GPC6: variants seen among roughly 807,000 people sequenced by gnomAD.
GPC6 encodes glypican-6.
A neutral mutation model predicts 55.2 loss-of-function variants in GPC6; 14 were observed. The ratio of observed to expected loss-of-function variants is 0.25; its 90% CI spans 0.17 to 0.40. The LOEUF is 0.40. GPC6 is among the 10% of genes least tolerant of loss of function. The probability of loss-of-function intolerance (pLI) is 1.00; values close to 1 mark genes in which losing one functional copy is unlikely to be tolerated. For synonymous variants in GPC6, 278 were observed against 259.6 expected (o/e 1.07, Z -0.68); for missense variants, 641 against 708.5 (o/e 0.90, Z 1.08).
At chr13:93,739,722 C>T (rs1884135438) in intron 2 of GPC6, among the ~76,000 whole-genome samples, 1 of 152,184 alleles carries the variant, frequency 6.6e-6, no homozygotes, top group African/African-American at 2.4e-5. Flanking sequence ...AACCACCATG[C>T]CCAGCCTTCA....
chr13:94,248,539 C>T (rs937282694), intron 4 of GPC6, among the ~76,000 whole-genome samples: 5 of 151,980 alleles, frequency 3.3e-5, no homozygotes, highest in African/African-American at 1.2e-4. Context: ...CCATAAATAT[C>T]ACCCAAGAAC....
intron 7 of GPC6, among the ~76,000 whole-genome samples, chr13:94,386,646 A>T (rs1880426096): frequency 6.6e-6 from 1 of 152,214 alleles, no homozygotes; most frequent in East Asian, 1.9e-4. Context: ...TCCATCACGT[A>T]TTAATAGATA....
chr13:93,449,539 G>C (rs898354834), intron 1 of GPC6, among the ~76,000 whole-genome samples: 1 of 152,094 alleles, frequency 6.6e-6, no homozygotes, highest in Non-Finnish European at 1.5e-5. Flanking sequence ...ATTAAAAAAG[G>C]GACTGTAGGC....
At chr13:93,975,685 T>C (rs1003116958) in intron 3 of GPC6, among the ~76,000 whole-genome samples, 2 of 152,180 alleles carry the variant, frequency 1.3e-5, no homozygotes, top group African/African-American at 4.8e-5. Flanking sequence ...TCCTGGTGTA[T>C]ATGTTTCATT....
chr13:93,522,852 C>G (rs529993138), intron 1 of GPC6, among the ~76,000 whole-genome samples: 21 of 151,912 alleles, frequency 1.4e-4, no homozygotes, highest in Admixed American at 6.6e-4. Context: ...GTGCTGGTGG[C>G]TCCTATCTGA....
At chr13:93,867,888 G>A (rs1022267490) in intron 3 of GPC6, among the ~76,000 whole-genome samples, 1 of 151,686 alleles carries the variant, frequency 6.6e-6, no homozygotes, top group Admixed American at 6.6e-5. Flanking sequence ...CTTGTTGTGG[G>A]ACCCAGGTCC....
rs79896502 is a variant in GPC6, at chr13:93,650,761, A to T, written c.319+105340A>T. 8.7e-3 allele frequency among the ~76,000 whole-genome samples: 1,319 copies of T among 152,334 alleles called. 31 individuals carry two copies. Among genetic ancestry groups the T allele is most frequent in the African/African-American group, 0.03 (1,249 of 41,580 alleles). ...TCAGTTAGCGTTAATAGGTATCTCAAGTATTTTAAGTTCAGTCCAAATAAT... is the reference window on the plus strand; with the variant it reads ...TCAGTTAGCGTTAATAGGTATCTCATGTATTTTAAGTTCAGTCCAAATAAT... On this transcript the variant is annotated intron_variant, in intron 2 of 8. Coordinates refer to ENST00000377047, the MANE Select transcript of GPC6 (RefSeq NM_005708.5).
chr13:93,254,747 C>T (rs979814279), intron 1 of GPC6, among the ~76,000 whole-genome samples: 1 of 151,818 alleles, frequency 6.6e-6, no homozygotes, highest in Non-Finnish European at 1.5e-5. Flanking sequence ...CAGATGACAA[C>T]AAGCAGAAAA....
chr13:94,252,364 G>A (rs1891377628), intron 4 of GPC6, among the ~76,000 whole-genome samples: 2 of 152,096 alleles, frequency 1.3e-5, no homozygotes, highest in South Asian at 4.1e-4. Context: ...ATGCATAAAA[G>A]CCCAACTTCT....
intron 3 of GPC6, among the ~76,000 whole-genome samples, chr13:94,012,518 C>T (rs1028878794): frequency 1.3e-5 from 2 of 152,092 alleles, no homozygotes; most frequent in Non-Finnish European, 2.9e-5. Context: ...ATTAATCGAT[C>T]GATTGATCAA....
chr13:93,392,833 G>A (rs531321050), intron 1 of GPC6, among the ~76,000 whole-genome samples: 97 of 152,154 alleles, frequency 6.4e-4, no homozygotes, highest in African/African-American at 1.8e-3. Context: ...GGAAGACACC[G>A]GTCAGGTTTC....
chr13:94,251,318 CG>C (rs1275315049), intron 4 of GPC6, among the ~76,000 whole-genome samples: 1 of 150,332 alleles, frequency 6.7e-6, no homozygotes, highest in Non-Finnish European at 1.5e-5. Context: ...GGGGGCAAAG[CG>C]GGGGAGAGCA....
chr13:93,555,850 C>T (rs1170204209), intron 2 of GPC6, among the ~76,000 whole-genome samples: 1 of 152,132 alleles, frequency 6.6e-6, no homozygotes, highest in Non-Finnish European at 1.5e-5. Flanking sequence ...CAGAAAGGAT[C>T]TCCTGTTCTG....
At position 93,472,619 on chromosome 13, in the gene GPC6, C is replaced by G. The variant is rs149801526; in HGVS notation, c.161-72644C>G. ...AACTGCAGGGCCCCAAAGAGGGAGT[C>G]ACAGGCCTGGTCTGGCATGTGGAGC... On this transcript the variant is annotated intron_variant, in intron 1 of 8. Coordinates refer to ENST00000377047, the MANE Select transcript of GPC6 (RefSeq NM_005708.5). Among the ~76,000 whole-genome samples the G allele has an allele frequency of 5.9e-3, 896 of 152,290 alleles. 7 individuals are homozygous for G. The highest frequency in any genetic ancestry group is 0.021 in the African/African-American group (853 of 41,560).
chr13:94,193,500 C>A (rs1889466305), intron 4 of GPC6, among the ~76,000 whole-genome samples: 1 of 152,070 alleles, frequency 6.6e-6, no homozygotes, highest in African/African-American at 2.4e-5. Context: ...AATAACAGAA[C>A]TTGAGGCAAA....
At chr13:93,465,397 T>C (rs1878868712) in intron 1 of GPC6, among the ~76,000 whole-genome samples, 1 of 152,238 alleles carries the variant, frequency 6.6e-6, no homozygotes, top group Non-Finnish European at 1.5e-5. Flanking sequence ...AATTCTTTTT[T>C]AAGCTAGATC....
intron 2 of GPC6, 39 bp downstream of exon 2, chr13:93,545,460 C>A (rs1289699402): frequency 6.5e-7 from 1 of 1,538,656 alleles, no homozygotes; most frequent in Admixed American, 1.7e-5. Flanking sequence ...GTTATAGGTG[C>A]ACTTTTCTAT....
intron 2 of GPC6, among the ~76,000 whole-genome samples, chr13:93,635,829 T>C (rs1353961569): frequency 6.6e-6 from 1 of 152,176 alleles, no homozygotes; most frequent in Non-Finnish European, 1.5e-5. Flanking sequence ...GTTACCACTT[T>C]TTGGTGGATG....
At chr13:93,276,489 A>AGTGT (rs771761836) in intron 1 of GPC6, among the ~76,000 whole-genome samples, 12 of 131,306 alleles carry the variant, frequency 9.1e-5, no homozygotes, top group African/African-American at 1.3e-4. Flanking sequence ...AGAGAGAGAG[A>AGTGT]GAGAGAGTGT....
Sources: allele counts gnomAD v4.1 joint callset (sites outside exome capture counted in the v4.1 genomes callset), GRCh38; gene constraint gnomAD v4.1.1; transcripts MANE v1.5; gene names NCBI Gene and HGNC (gene_info 2026-07-23, HGNC 2026-07-21).